The following DAO variants were observed in gnomAD, a reference collection of about 807,000 sequenced individuals.
DAO encodes D-amino-acid oxidase.
In DAO, 51 loss-of-function variants were observed where a neutral mutation model predicts 50.1. That is an observed-to-expected ratio of 1.02 (90% CI 0.81 to 1.29). The LOEUF is 1.29. Ranked by LOEUF, DAO falls within the 50% of genes most tolerant of loss-of-function variation. DAO has a pLI of 0.00. For missense variants in DAO, 436 were observed against 439.4 expected, an observed-to-expected ratio of 0.99 and a Z score of 0.07; for synonymous variants, 160 against 166.2, an observed-to-expected ratio of 0.96 and a Z score of 0.29.
intron 9 of DAO, 80 bp from the exon 10 acceptor site, chr12:108,899,296 TA>T: frequency 1.0e-6 from 1 of 965,940 alleles, no homozygotes; most frequent in Non-Finnish European, 1.6e-6. Flanking sequence ...GATGAGATTC[TA>T]AAAGCTAACT....
intron 2 of DAO, among the ~76,000 whole-genome samples, chr12:108,885,882 G>A (rs1321198686): frequency 1.3e-5 from 2 of 152,136 alleles, no homozygotes; most frequent in African/African-American, 4.8e-5. Context: ...AGCTTCCCAA[G>A]TAACTGGGAT....
intron 1 of DAO, among the ~76,000 whole-genome samples, chr12:108,881,197 C>CACACACACACACACACACAA (rs1491204980): frequency 7.6e-6 from 1 of 131,838 alleles, no homozygotes; most frequent in African/African-American, 2.7e-5. Context: ...CACACACACA[C>CACACACACACACACACACAA]AAATATAATA....
intron 1 of DAO, among the ~76,000 whole-genome samples, 193 bp from the exon 2 acceptor site, chr12:108,884,805 A>G (rs2039416754): frequency 6.6e-6 from 1 of 152,080 alleles, no homozygotes; most frequent in South Asian, 2.1e-4. Flanking sequence ...TCACTTCTCC[A>G]TACCTCAGTG....
At chr12:108,892,370 C>G (rs6539462) in intron 5 of DAO, among the ~76,000 whole-genome samples, 60,112 of 151,292 alleles carry the variant, frequency 0.4, 14,646 homozygotes, top group African/African-American at 0.65. Flanking sequence ...GTTTCACCGT[C>G]TTAGCCAGGA....
intron 1 of DAO, among the ~76,000 whole-genome samples, chr12:108,884,132 GGC>G (rs2039409487): frequency 6.6e-6 from 1 of 152,270 alleles, no homozygotes; most frequent in African/African-American, 2.4e-5. Flanking sequence ...TGTGCCCCAA[GGC>G]AGGTGGAGTT....
intron 1 of DAO, among the ~76,000 whole-genome samples, chr12:108,881,198 A>ACACACACACACACACAC (rs1555244705): frequency 3.4e-5 from 5 of 144,980 alleles, no homozygotes; most frequent in East Asian, 2.0e-4. Context: ...ACACACACAC[A>ACACACACACACACACAC]AATATAATAA....
chr12:108,892,831 C>A, intron 5 of DAO, 151 bp from the exon 6 acceptor site: 1 of 735,258 alleles, frequency 1.4e-6, no homozygotes, highest in Non-Finnish European at 2.5e-6. Context: ...TGCTCATGAG[C>A]TGATTTGATG....
intron 9 of DAO, 98 bp from the exon 10 acceptor site, chr12:108,899,279 T>C: frequency 2.6e-6 from 2 of 766,022 alleles, no homozygotes; most frequent in South Asian, 1.5e-5. Flanking sequence ...ATATTAGTGG[T>C]GGTGGTGATG....
At chr12:108,893,550 C>T (rs1275202866) in intron 6 of DAO, among the ~76,000 whole-genome samples, 4 of 152,280 alleles carry the variant, frequency 2.6e-5, no homozygotes, top group South Asian at 2.1e-4. Flanking sequence ...GAAGGCGCTC[C>T]GTACATGTAG....
chr12:108,893,828 T>C (rs1262548276), intron 6 of DAO, among the ~76,000 whole-genome samples: 1 of 152,152 alleles, frequency 6.6e-6, no homozygotes, highest in Non-Finnish European at 1.5e-5. Flanking sequence ...TCTGCAAATG[T>C]CTTGGCAGAG....
chr12:108,890,368 C>T (rs1039810683), intron 5 of DAO, 95 bp downstream of exon 5: 20 of 968,710 alleles, frequency 2.1e-5, no homozygotes, highest in Middle Eastern at 2.1e-4. Context: ...TGGACTAACC[C>T]CCAGGTTTGA....
In DAO at chr12:108,894,248, G is replaced by A. The variant is rs766920526; in HGVS notation, c.508-15G>A. ...CCCACCTTTCATCCCCCACTACCCT[G>A]TTGGTTGCTACCAGGTGGCAAGAGA... On this transcript the variant is annotated splice_polypyrimidine_tract_variant and intron_variant, in intron 6 of 10. Coordinates refer to ENST00000228476, the MANE Select transcript of DAO (RefSeq NM_001917.5). 3 of 1,606,976 alleles carry A rather than the reference G, an allele frequency of 1.9e-6. No homozygotes were observed. The highest frequency in any genetic ancestry group is 8.5e-7 in the Non-Finnish European group (1 of 1,174,190).
intron 6 of DAO, among the ~76,000 whole-genome samples, chr12:108,893,819 C>A (rs1167022322): frequency 1.3e-5 from 2 of 152,180 alleles, no homozygotes; most frequent in Non-Finnish European, 2.9e-5. Flanking sequence ...AACGTGTCTT[C>A]TGCAAATGTC....
chr12:108,882,918 G>C (rs1566033856), intron 1 of DAO, among the ~76,000 whole-genome samples: 1 of 152,024 alleles, frequency 6.6e-6, no homozygotes, highest in African/African-American at 2.4e-5. Context: ...GAGGCTGAGG[G>C]GGGAGGATTG....
chr12:108,891,604 A>ATTTT (rs2039492924), intron 5 of DAO, among the ~76,000 whole-genome samples: 1 of 151,540 alleles, frequency 6.6e-6, no homozygotes, highest in South Asian at 2.1e-4. Context: ...GCTTTTTTTC[A>ATTTT]TTTTTTTGAG....
chr12:108,892,001 T>G (rs1376137416), intron 5 of DAO, among the ~76,000 whole-genome samples: 1 of 152,138 alleles, frequency 6.6e-6, no homozygotes, highest in Non-Finnish European at 1.5e-5. Context: ...TGGGGACACA[T>G]GACCCTTGTC....
chr12:108,892,897 T>C lies in DAO; in HGVS notation c.453-85T>C. 7 of 1,254,966 alleles carry C rather than the reference T, an allele frequency of 5.6e-6. No homozygotes were observed. The South Asian group carries it at 6.0e-5, about 11-fold the overall frequency. 77.7% of individuals were successfully genotyped at this position (1,254,966 alleles called of 1,614,324 possible). ...GCAACTAACGTCCGCAGAAGGTTGTTTGGGAAAGGTCCCTGTGCCACCCTC... is the reference window on the plus strand; with the variant it reads ...GCAACTAACGTCCGCAGAAGGTTGTCTGGGAAAGGTCCCTGTGCCACCCTC... On this transcript the variant is annotated intron_variant, in intron 5 of 10. Transcript: ENST00000228476.
At chr12:108,897,686 G>A (rs781291686) in intron 8 of DAO, among the ~76,000 whole-genome samples, 9 of 150,780 alleles carry the variant, frequency 6.0e-5, no homozygotes, top group East Asian at 2.0e-4. Context: ...GGTGGCTCAC[G>A]CCTGTAATCC....
intron 7 of DAO, among the ~76,000 whole-genome samples, chr12:108,896,056 G>A (rs917545590): frequency 6.6e-6 from 1 of 151,752 alleles, no homozygotes; most frequent in African/African-American, 2.4e-5. Flanking sequence ...GTGAGAGAAG[G>A]GTGTAGCAGC....
Sources: allele counts gnomAD v4.1 joint callset (sites outside exome capture counted in the v4.1 genomes callset), GRCh38; gene constraint gnomAD v4.1.1; transcripts MANE v1.5; gene names NCBI Gene and HGNC (gene_info 2026-07-23, HGNC 2026-07-21).